CDH4: variants seen among roughly 807,000 people sequenced by gnomAD.
The protein encoded by CDH4 is cadherin-4.
CDH4 carries 33 observed loss-of-function variants against 86.0 expected under a neutral mutation model. That is an observed-to-expected ratio of 0.38 (90% CI 0.29 to 0.51). CDH4 has a LOEUF of 0.51. CDH4 is among the 20% of genes least tolerant of loss of function. The pLI is 0.86. For synonymous variants in CDH4, 555 were observed against 549.4 expected, an observed-to-expected ratio of 1.01 and a Z score of -0.14; for missense variants, 1,114 against 1,307.4, an observed-to-expected ratio of 0.85 and a Z score of 2.28.
intron 2 of CDH4, among the ~76,000 whole-genome samples, chr20:61,343,253 T>G (rs1192041870): frequency 6.6e-6 from 1 of 152,254 alleles, no homozygotes; most frequent in Non-Finnish European, 1.5e-5. Flanking sequence ...AGTAGATGAA[T>G]GTCTGTTCTA....
intron 2 of CDH4, among the ~76,000 whole-genome samples, chr20:61,422,192 C>T (rs1168462844): frequency 3.3e-5 from 5 of 151,932 alleles, no homozygotes; most frequent in Non-Finnish European, 7.4e-5. Flanking sequence ...TTTGGGAGGC[C>T]GAGGTGGGTG....
chr20:61,468,752 T>C (rs552885358), intron 2 of CDH4, among the ~76,000 whole-genome samples: 1 of 152,270 alleles, frequency 6.6e-6, no homozygotes, highest in African/African-American at 2.4e-5. Flanking sequence ...ACTCTCTATC[T>C]CCATGAGTTG....
rs1214995436 is a variant in CDH4, at chr20:61,565,189, C to CGCGGTG, written c.170-178374_170-178373insGCGGTG. Among the ~76,000 whole-genome samples the CGCGGTG allele has an allele frequency of 7.1e-3, 225 of 31,472 alleles. 19 individuals are homozygous for CGCGGTG. Among genetic ancestry groups the CGCGGTG allele is most frequent in the Admixed American group, 0.024 (75 of 3,126 alleles). 20.6% of individuals were successfully genotyped at this position (31,472 alleles called of 152,430 possible). ...GTGATGGGGTGGTGGTGGTGGTGGT[C>CGCGGTG]CTCTTGGTGGTGGTCGCGGTGCTCT... On this transcript the variant is annotated intron_variant, in intron 2 of 15. Coordinates refer to ENST00000614565, the MANE Select transcript of CDH4 (RefSeq NM_001794.5).
chr20:61,411,341 G>C (rs1481737674), intron 2 of CDH4, among the ~76,000 whole-genome samples: 1 of 147,970 alleles, frequency 6.8e-6, no homozygotes, highest in Non-Finnish European at 1.5e-5. Context: ...GGTTCATCTA[G>C]TATGACTCTG....
chr20:61,396,205 A>G (rs1474628082), intron 2 of CDH4, among the ~76,000 whole-genome samples: 2 of 152,154 alleles, frequency 1.3e-5, no homozygotes, highest in Non-Finnish European at 2.9e-5. Flanking sequence ...TTTGCAGAAA[A>G]AGTGGTTATT....
chr20:61,877,991 A>G (rs1984114311), intron 7 of CDH4, among the ~76,000 whole-genome samples: 1 of 152,088 alleles, frequency 6.6e-6, no homozygotes, highest in African/African-American at 2.4e-5. Flanking sequence ...ATCACCAGGA[A>G]CCACGGGGGC....
chr20:61,856,869 T>C (rs13042048), intron 6 of CDH4, among the ~76,000 whole-genome samples: 17,759 of 152,278 alleles, frequency 0.12, 1,221 homozygotes, highest in South Asian at 0.23. Context: ...GACTGGGAAG[T>C]GCAGGCAGGG....
chr20:61,913,027 A>C (rs2054867628), intron 9 of CDH4, among the ~76,000 whole-genome samples: 1 of 152,136 alleles, frequency 6.6e-6, no homozygotes, highest in Admixed American at 6.5e-5. Flanking sequence ...GGCCTTCCCC[A>C]GTGAGTAGCG....
rs200856094 is a variant in CDH4 at position 61,632,730 on chromosome 20, C to T, written c.170-110833C>T. Among the ~76,000 whole-genome samples, 41 of 151,482 alleles carry T rather than the reference C, an allele frequency of 2.7e-4. No homozygotes were observed. In the East Asian group the frequency reaches 8.0e-3, roughly 30 times the overall value. ...ACAAGCCACCAACCAGCCACTCACT[C>T]ATTCATACTTTTACCCTTCACCCAT... is the stretch of plus-strand genomic sequence containing the variant. On this transcript the variant is annotated intron_variant, in intron 2 of 15. Transcript: ENST00000614565.
At chr20:61,379,337 G>A (rs140056576) in intron 2 of CDH4, among the ~76,000 whole-genome samples, 9 of 152,162 alleles carry the variant, frequency 5.9e-5, no homozygotes, top group Non-Finnish European at 1.3e-4. Context: ...GTCACTAACA[G>A]GGCAGCAGTG....
intron 3 of CDH4, among the ~76,000 whole-genome samples, chr20:61,763,492 C>T (rs1427487524): frequency 1.3e-5 from 2 of 152,202 alleles, no homozygotes; most frequent in Non-Finnish European, 2.9e-5. Context: ...TTCAGGATTC[C>T]CAGGGAGCTC....
rs115033561 is a variant in CDH4 at position 61,767,240 on chromosome 20, C to T, written c.397-5763C>T. ...CCATTTGCTTTGTCGTCTCCTGGCT[C>T]AAGGGTGGCATCAGTAACTTTGTGT... On this transcript the variant is annotated intron_variant, in intron 3 of 15. Transcript: ENST00000614565. Among the ~76,000 whole-genome samples, 60 of 152,308 alleles carry T rather than the reference C, an allele frequency of 3.9e-4. 1 individual carries two copies. Among genetic ancestry groups the T allele is most frequent in the African/African-American group, 1.4e-3 (60 of 41,576 alleles).
chr20:61,490,303 A>G (rs1458575285), intron 2 of CDH4, among the ~76,000 whole-genome samples: 1 of 152,202 alleles, frequency 6.6e-6, no homozygotes, highest in Admixed American at 6.5e-5. Context: ...GTGCAGCCAC[A>G]TGGCTGAGCC....
intron 2 of CDH4, among the ~76,000 whole-genome samples, chr20:61,574,425 A>C (rs373112292): frequency 1.1e-4 from 16 of 152,342 alleles, no homozygotes; most frequent in African/African-American, 3.6e-4. Flanking sequence ...GAGAAGGCAC[A>C]GCCTTTAAAT....
At chr20:61,565,259 G>GCT in intron 2 of CDH4, among the ~76,000 whole-genome samples, 3 of 88,092 alleles carry the variant, frequency 3.4e-5, no homozygotes, top group African/African-American at 1.3e-4. Context: ...TCTTGGTGAT[G>GCT]GTGGTGGTGG....
At chr20:61,464,170 G>C (rs774156948) in intron 2 of CDH4, among the ~76,000 whole-genome samples, 3 of 152,172 alleles carry the variant, frequency 2.0e-5, no homozygotes, top group Admixed American at 1.3e-4. Flanking sequence ...TGGGGCTCTG[G>C]CTGGTGTTGA....
intron 3 of CDH4, among the ~76,000 whole-genome samples, chr20:61,759,415 T>A (rs2088605127): frequency 6.6e-6 from 1 of 152,126 alleles, no homozygotes; most frequent in Non-Finnish European, 1.5e-5. Flanking sequence ...GGACGACAGA[T>A]CCATGAAGCC....
chr20:61,653,629 G>C (rs1386840717), intron 2 of CDH4, among the ~76,000 whole-genome samples: 2 of 129,028 alleles, frequency 1.6e-5, no homozygotes, highest in African/African-American at 5.3e-5. Context: ...CTTCCCAGAC[G>C]GGGTGGCTGC....
chr20:61,435,735 A>G (rs912849212), intron 2 of CDH4: 1 of 152,280 alleles, frequency 6.6e-6, no homozygotes, highest in Non-Finnish European at 1.5e-5. Context: ...CAGCACCTGG[A>G]CAGGAGACGT....
Sources: allele counts gnomAD v4.1 joint callset (sites outside exome capture counted in the v4.1 genomes callset), GRCh38; gene constraint gnomAD v4.1.1; transcripts MANE v1.5; gene names NCBI Gene and HGNC (gene_info 2026-07-23, HGNC 2026-07-21).